The following THBS3 variants were observed in gnomAD, a reference collection of about 807,000 sequenced individuals.
The protein encoded by THBS3 is thrombospondin 3, also known as thrombospondin-3.
Under a neutral mutation model 118.3 loss-of-function variants are expected in THBS3, and 78 were observed. The ratio of observed to expected loss-of-function variants is 0.66; its 90% confidence interval spans 0.55 to 0.80. The LOEUF (loss-of-function observed/expected upper bound fraction) is 0.80. Ranked by LOEUF, THBS3 falls within the 30% of genes least tolerant of loss-of-function variation. The pLI is 0.00. For synonymous variants in THBS3, 427 were observed against 475.3 expected, an observed-to-expected ratio of 0.90 and a Z score of 1.32; for missense variants, 1,057 against 1,247.4, an observed-to-expected ratio of 0.85 and a Z score of 2.30.
chr1:155,208,717 C>G, upstream of THBS3: 2 of 1,360,830 alleles, frequency 1.5e-6, no homozygotes, highest in Non-Finnish European at 1.9e-6. Context: ...GCCCGGCCTC[C>G]GCTCCGGCCG....
At position 155,205,167 on chromosome 1, in the gene THBS3, T is replaced by G; in HGVS notation, c.436A>C (p.Lys146Gln). Reference protein sequence around the residue: ...SPALHLYVDCKLGDQHAGLPA... With the variant: ...SPALHLYVDCQLGDQHAGLPA... The stretch of plus-strand genomic sequence containing the variant: ...AGGCCTGCATGTTGGTCACCCAGTT[T>G]GCAGTCCACGTAGAGATGTAGGGCA... Residue 146 changes from lysine (K) to glutamine (Q), a missense_variant, in exon 3 of 23, where the codon AAA becomes CAA. Lys to Gln is a moderately conservative substitution (Grantham distance 53). Transcript: ENST00000368378. The G allele has an allele frequency of 6.2e-7, 1 of 1,614,224 alleles. No individual in the cohort carries two copies. The highest frequency in any genetic ancestry group is 8.5e-7 in the Non-Finnish European group (1 of 1,180,032).
upstream of THBS3, chr1:155,208,772 G>C (rs751111095): frequency 4.8e-6 from 7 of 1,464,328 alleles, no homozygotes; most frequent in Admixed American, 4.8e-5. Context: ...GGCGGCGCAG[G>C]GCCCGCTCCA....
chr1:155,203,017 G>A, intron 7 of THBS3, 57 bp from the exon 8 acceptor site: 2 of 1,613,936 alleles, frequency 1.2e-6, no homozygotes, highest in Non-Finnish European at 1.7e-6. Flanking sequence ...CCACCAGAAG[G>A]GAAAGCCAAA....
intron 10 of THBS3, 31 bp downstream of exon 10, chr1:155,201,926 C>A: frequency 6.2e-7 from 1 of 1,613,468 alleles, no homozygotes; most frequent in South Asian, 1.1e-5. Context: ...ATTCCCACCA[C>A]CCCAGAATAC....
At chr1:155,207,913 A>T (rs1478508036), upstream of THBS3, 4 of 1,587,708 alleles carry the variant, frequency 2.5e-6, no homozygotes, top group Admixed American at 5.1e-5. Flanking sequence ...GCAGGCAGGC[A>T]GCTGGGAGGG....
rs1365939139 is a variant in THBS3, at chr1:155,195,710, A to G, written c.*131T>C. 7 of 994,860 alleles carry G rather than the reference A, an allele frequency of 7.0e-6. No homozygotes were observed. The South Asian group carries it at 1.0e-4, about 15-fold the overall frequency. 61.6% of individuals were successfully genotyped at this position (994,860 alleles called of 1,614,324 possible). On this transcript the variant is annotated 3_prime_UTR_variant, in exon 23 of 23. Coordinates refer to ENST00000368378, the MANE Select transcript of THBS3 (RefSeq NM_007112.5). The stretch of plus-strand genomic sequence containing the variant: ...TGGGGTGACCACCCCTCTGGGACTG[A>G]ACTCCTTTTGGGAGCCAGAGAAGGG...
At chr1:155,200,870 C>T (rs1557864462) in intron 13 of THBS3, 27 bp downstream of exon 13, 1 of 1,614,088 alleles carries the variant, frequency 6.2e-7, no homozygotes, top group South Asian at 1.1e-5. Flanking sequence ...AGAGGAGCTT[C>T]AAGGGGCAGG....
At chr1:155,203,016 G>A (rs1487943394) in intron 7 of THBS3, 56 bp from the exon 8 acceptor site, 2 of 1,613,824 alleles carry the variant, frequency 1.2e-6, no homozygotes, top group East Asian at 4.5e-5. Flanking sequence ...GCCACCAGAA[G>A]GGAAAGCCAA....
intron 4 of THBS3, 90 bp downstream of exon 4, chr1:155,204,765 G>A (rs1172155160): frequency 2.5e-6 from 3 of 1,217,084 alleles, no homozygotes; most frequent in Non-Finnish European, 3.7e-6. Context: ...AAAGGAATGG[G>A]TTTTAAGGGA....
At position 155,202,154 on chromosome 1, in the gene THBS3, C is replaced by T. The variant is rs1571903694; in HGVS notation, c.1098+107G>A. 2.5e-6 allele frequency: 4 copies of T among 1,597,046 alleles called. No individual in the cohort carries two copies. The East Asian group carries it at 9.0e-5, about 36-fold the overall frequency. ...ATTAAGCCCAGACCCAAAGCCGATG[C>T]AAAGCCATCCATGTCCCATTCATCA... On this transcript the variant is annotated intron_variant, in intron 9 of 22. Coordinates refer to ENST00000368378, the MANE Select transcript of THBS3 (RefSeq NM_007112.5). This position sits in a 1 kb window ranked among gnomAD's most constrained non-coding sequence, Gnocchi z 5.5.
Position 155,206,552 on chromosome 1 carries a change from C to A in THBS3, c.80-146G>T. On this transcript the variant is annotated intron_variant, in intron 1 of 22. Transcript: ENST00000368378. The surrounding 1 kb of genome is among the most constrained non-coding windows in gnomAD (Gnocchi z 4.2). Reference sequence around the variant, plus strand: ...ACCCTTGGCTGGGCATGGTGGCTCGCACCTGTAATCCCAACACCTTGGGAG... The same window carrying A: ...ACCCTTGGCTGGGCATGGTGGCTCGAACCTGTAATCCCAACACCTTGGGAG... 1.4e-6 allele frequency: 1 copy of A among 701,120 alleles called. No individual in the cohort carries two copies. Among genetic ancestry groups the A allele is most frequent in the Non-Finnish European group, 2.4e-6 (1 of 411,216 alleles). The allele number at this position is 701,120 out of a possible 1,614,324, so 43.4% of individuals were successfully genotyped here. A position where few individuals can be genotyped will look rare whatever the true frequency, so the allele number is the denominator to read the frequency against.
intron 16 of THBS3, among the ~76,000 whole-genome samples, chr1:155,198,997 G>A (rs980556987): frequency 2.6e-5 from 4 of 152,038 alleles, no homozygotes; most frequent in African/African-American, 9.7e-5. Context: ...GCACGCGCCT[G>A]TAATCCCAGC....
At position 155,203,537 on chromosome 1, in the gene THBS3, T is replaced by C. The variant is rs751498996; in HGVS notation, c.649A>G (p.Thr217Ala). The C allele has an allele frequency of 1.8e-5, 29 of 1,613,612 alleles. No homozygotes were observed. The highest frequency in any genetic ancestry group is 2.5e-5 in the Non-Finnish European group (29 of 1,179,980). Residue 217 changes from threonine (T) to alanine (A), a missense_variant and splice_region_variant, in exon 5 of 23, where the codon ACC (threonine) becomes GCC (alanine). Physicochemically the swap from Thr to Ala is moderately conservative, Grantham distance 58 (BLOSUM62 0). Coordinates refer to ENST00000368378, the MANE Select transcript of THBS3 (RefSeq NM_007112.5). ...CCTAGAATGGAGTGCAGTGCATTGG[T>C]CACTGGAGAGGAGAAGAAAACATAG... ...QGDESIHSAV[T>A]NALHSILGEQ... is the part of the protein sequence containing the mutation.
rs762885304 is a variant in THBS3 at position 155,198,417 on chromosome 1, T to A, written c.2066A>T (p.Asp689Val). The change falls in exon 17 of 23, where the codon GAC becomes GTC. Residue 689 changes from aspartate to valine, a missense_variant. Transcript: ENST00000368378. ...TGGGTCCGCAGGCTTACCATCTGAG[T>A]CCTTCTGATTGGGATTGGGTACCAG... ...CRLVPNPNQK[D>V]SDGNGVGDVC... 8 of 1,613,728 alleles carry A rather than the reference T, an allele frequency of 5.0e-6. No individual in the cohort carries two copies. The East Asian group carries it at 1.8e-4, about 36-fold the overall frequency.
rs1356985942 is a variant in THBS3 at position 155,200,921 on chromosome 1, A to G, written c.1524T>C (p.Asp508=). Residue 508 remains aspartate (D), a synonymous_variant, in exon 13 of 23, where the codon GAT becomes GAC. Coordinates refer to ENST00000368378, the MANE Select transcript of THBS3 (RefSeq NM_007112.5). The part of the protein sequence containing the change: ...GVGDQCDDDA[D]GDGIKNVEDN... ...CCTCAACATTCTTGATCCCATCCCC[A>G]TCAGCATCATCATCACACTGGTCCC... 8 of 1,613,982 alleles carry G rather than the reference A, an allele frequency of 5.0e-6. No homozygotes were observed. The highest frequency in any genetic ancestry group is 6.8e-6 in the Non-Finnish European group (8 of 1,180,024).
chr1:155,206,060 C>T lies in THBS3; in HGVS notation c.286+140G>A, dbSNP rs989691921. On this transcript the variant is annotated intron_variant, in intron 2 of 22. Coordinates refer to ENST00000368378, the MANE Select transcript of THBS3 (RefSeq NM_007112.5). The surrounding 1 kb of genome is among the most constrained non-coding windows in gnomAD (Gnocchi z 4.2). ...CTTATAAGCACCCCATACCAGGTGC[C>T]CCTGATGTCTGGGCACAGCCTGATG... 1.1e-6 allele frequency: 1 copy of T among 945,240 alleles called. No homozygotes were observed. 58.6% of individuals were successfully genotyped at this position (945,240 alleles called of 1,614,324 possible).
rs1670633093 is a variant in THBS3, at chr1:155,206,911, C to T, written c.80-505G>A. 1.3e-5 allele frequency among the ~76,000 whole-genome samples: 2 copies of T among 152,092 alleles called. No individual in the cohort carries two copies. The highest frequency in any genetic ancestry group is 1.3e-4 in the Admixed American group (2 of 15,274). ...CTCTCAGAGGACAGAGGCACTGTGCCTTCCTTTCCCCATTATTGCCTATTA... is the reference window on the plus strand; with the variant it reads ...CTCTCAGAGGACAGAGGCACTGTGCTTTCCTTTCCCCATTATTGCCTATTA... On this transcript the variant is annotated intron_variant, in intron 1 of 22. Transcript: ENST00000368378. This position sits in a 1 kb window ranked among gnomAD's most constrained non-coding sequence, Gnocchi z 4.2.
In THBS3 at chr1:155,201,602, G is replaced by A. The variant is rs1330583403; in HGVS notation, c.1177-33C>T. Reference sequence around the variant, plus strand: ...TGGAGAGGCAGCATCTTAGGAAGGAGGGTGAGCCCACCAGGCACCCAGGAC... The same window carrying A: ...TGGAGAGGCAGCATCTTAGGAAGGAAGGTGAGCCCACCAGGCACCCAGGAC... On this transcript the variant is annotated intron_variant, in intron 10 of 22. Coordinates refer to ENST00000368378, the MANE Select transcript of THBS3 (RefSeq NM_007112.5). 1.6e-5 allele frequency: 25 copies of A among 1,603,386 alleles called. No individual in the cohort carries two copies. The Admixed American group carries it at 4.3e-4, about 28-fold the overall frequency.
At chr1:155,198,021 C>T in intron 18 of THBS3, 21 bp downstream of exon 18, 9 of 1,614,154 alleles carry the variant, frequency 5.6e-6, no homozygotes, top group Non-Finnish European at 7.6e-6. Context: ...AGCACCTGCC[C>T]AGCCCACTGC....
Sources: gnomAD v4.1 joint callset for allele counts (sites outside exome capture counted in the v4.1 genomes callset) on GRCh38, gnomAD v4.1.1 for gene constraint, Gnocchi (gnomAD v3.1) non-coding constraint, MANE v1.5 for transcripts, NCBI Gene and HGNC (gene_info 2026-07-23, HGNC 2026-07-21) for gene names.